PRAMEF12: variants seen among roughly 807,000 people sequenced by gnomAD.
The protein encoded by PRAMEF12 is PRAME family member 12.
In PRAMEF12, 24 loss-of-function variants were observed where a neutral mutation model predicts 24.6. The observed-to-expected ratio is 0.98, with a 90% CI of 0.71 to 1.37. The LOEUF is 1.37. PRAMEF12 is among the 40% of genes most tolerant of loss of function. PRAMEF12 has a pLI of 0.00. For missense variants in PRAMEF12, 646 were observed against 580.3 expected (o/e 1.11, Z -1.16); for synonymous variants, 286 against 242.6 (o/e 1.18, Z -1.66).
At position 12,775,031 on chromosome 1, in the gene PRAMEF12, T is replaced by C. The variant is rs769702820; in HGVS notation, c.164T>C (p.Met55Thr). ...AGATGCTGCGAGACCCTGACAACTA[T>C]GGTGCAGGCCTGGCCCTTCACCTGC... ...TRRCCETLTT[M>T]VQAWPFTCLP... Residue 55 changes from methionine to threonine, a missense_variant, in exon 1 of 3, where the codon ATG becomes ACG. Transcript: ENST00000357726. The C allele has an allele frequency of 4.3e-6, 7 of 1,614,020 alleles. No homozygotes were observed. The highest frequency in any genetic ancestry group is 1.6e-4 in the Middle Eastern group (1 of 6,084).
Position 12,777,242 on chromosome 1 carries a change from C to A in PRAMEF12, c.1095C>A (p.Leu365=), listed in dbSNP as rs143925534. The A allele has an allele frequency of 6.2e-7, 1 of 1,612,536 alleles. No individual in the cohort carries two copies. Among genetic ancestry groups the A allele is most frequent in the African/African-American group, 1.3e-5 (1 of 74,978 alleles). Residue 365 remains leucine (L), a synonymous_variant, in exon 3 of 3, where the codon CTC becomes CTA. Transcript: ENST00000357726. ...LEDCGIVDSQ[L]SAILPALSRC... is the part of the protein sequence containing the mutation. ...ACTGTGGGATCGTGGATTCCCAACT[C>A]AGCGCCATCCTGCCTGCCCTGAGCC...
At chr1:12,775,462 G>A (rs41303869) in intron 1 of PRAMEF12, 81 bp from the exon 2 acceptor site, 19,070 of 1,299,720 alleles carry the variant, frequency 0.015, 198 homozygotes, top group Middle Eastern at 0.022. Context: ...GCAGCAGGGA[G>A]GAGAGTCGCT....
rs761231495 is a variant in PRAMEF12 at position 12,775,671 on chromosome 1, C to A, written c.416C>A (p.Pro139Gln). 2 of 1,613,872 alleles carry A rather than the reference C, an allele frequency of 1.2e-6. No homozygotes were observed. The highest frequency in any genetic ancestry group is 2.2e-5 in the East Asian group (1 of 44,838). ...KRRTAGNCPR[P>Q]GGQQPLMVIL... ...CGAACAGCAGGGAACTGTCCAAGGC[C>A]GGGTGGGCAGCAGCCCTTGATGGTG... Residue 139 changes from proline to glutamine, a missense_variant, in exon 2 of 3, where the codon CCG (proline) becomes CAG (glutamine). Transcript: ENST00000357726.
Position 12,777,761 on chromosome 1 carries a change from GC to G in PRAMEF12, c.*163del. The G allele has an allele frequency of 1.4e-6, 1 of 737,178 alleles. No individual in the cohort carries two copies. Among genetic ancestry groups the G allele is most frequent in the South Asian group, 1.9e-5 (1 of 52,708 alleles). The allele number at this position is 737,178 out of a possible 1,614,324, so 45.7% of individuals were successfully genotyped here. On this transcript the variant is annotated 3_prime_UTR_variant, in exon 3 of 3. Coordinates refer to ENST00000357726, the MANE Select transcript of PRAMEF12 (RefSeq NM_001080830.5). ...AAAAGTTGAGTTGGAGTCAATAGGA[GC>G]TTTAGAGACCTGTGTCCCAGAGAAT...
In PRAMEF12 at chr1:12,776,008, G is replaced by A. The variant is rs1212961508; in HGVS notation, c.753G>A (p.Lys251=). 1 of 1,614,162 alleles carries A rather than the reference G, an allele frequency of 6.2e-7. No homozygotes were observed. The highest frequency in any genetic ancestry group is 8.5e-7 in the Non-Finnish European group (1 of 1,180,010). ...CTGCCTGCATTCCCCTAGACAGGAA[G>A]GAGCAGTTTGTCATCCAGTTCACCT... ...HVSACIPLDR[K]EQFVIQFTSQ... is the part of the protein sequence containing the mutation. Residue 251 remains lysine, a synonymous_variant, in exon 2 of 3, where the codon AAG becomes AAA. Transcript: ENST00000357726.
Position 12,775,479 on chromosome 1 carries a change from C to A in PRAMEF12, c.288-64C>A. On this transcript the variant is annotated intron_variant, in intron 1 of 2. Coordinates refer to ENST00000357726, the MANE Select transcript of PRAMEF12 (RefSeq NM_001080830.5). ...AGCAGGGAGGAGAGTCGCTGATGTC[C>A]GGGATGTGGATAAAAGCTCAAATCC... is the stretch of plus-strand genomic sequence containing the variant. 2.1e-6 allele frequency: 3 copies of A among 1,440,550 alleles called. 1 individual carries two copies. In the South Asian group the frequency reaches 3.9e-5, roughly 19 times the overall value. 89.2% of individuals were successfully genotyped at this position (1,440,550 alleles called of 1,614,324 possible).
Position 12,774,913 on chromosome 1 carries a change from A to G in PRAMEF12, c.46A>G (p.Ser16Gly), listed in dbSNP as rs769068220. ...TAGACTCCTGGAGCTGGCTGAGCAG[A>G]GTCTGCTGAGAGACCGGGCCTTGGC... ...PPRLLELAEQ[S>G]LLRDRALAIP... Residue 16 changes from serine (S) to glycine (G), a missense_variant, in exon 1 of 3, where the codon AGT becomes GGT. By Grantham distance (56) the Ser-to-Gly change is moderately conservative (BLOSUM62 0). Transcript: ENST00000357726. The G allele has an allele frequency of 6.2e-7, 1 of 1,613,750 alleles. No individual in the cohort carries two copies. The highest frequency in any genetic ancestry group is 1.7e-5 in the Admixed American group (1 of 59,982).
Position 12,777,413 on chromosome 1 carries a change from T to G in PRAMEF12, c.1266T>G (p.Gly422=). 6.2e-7 allele frequency: 1 copy of G among 1,613,888 alleles called. No individual in the cohort carries two copies. The highest frequency in any genetic ancestry group is 8.5e-7 in the Non-Finnish European group (1 of 1,179,886). Residue 422 remains glycine, a synonymous_variant, in exon 3 of 3, where the codon GGT becomes GGG. Coordinates refer to ENST00000357726, the MANE Select transcript of PRAMEF12 (RefSeq NM_001080830.5). Reference sequence around the variant, plus strand: ...CTCTGGAGAGTTATGATGCCCAGGGTGCTCTCTGCTGGGGAAGATTTTCTC... The same window carrying G: ...CTCTGGAGAGTTATGATGCCCAGGGGGCTCTCTGCTGGGGAAGATTTTCTC... The part of the protein sequence containing the change: ...PAPLESYDAQ[G]ALCWGRFSQL...
rs758877294 is a variant in PRAMEF12, at chr1:12,775,083, A to C, written c.216A>C (p.Ser72=). 6.2e-7 allele frequency: 1 copy of C among 1,614,182 alleles called. No homozygotes were observed. The highest frequency in any genetic ancestry group is 1.1e-5 in the South Asian group (1 of 91,092). Residue 72 remains serine, a synonymous_variant, in exon 1 of 3, where the codon TCA becomes TCC. Coordinates refer to ENST00000357726, the MANE Select transcript of PRAMEF12 (RefSeq NM_001080830.5). ...TCLPLGSLMK[S]CNLEIFRAVL... ...TTCCTCTAGGGTCCCTGATGAAGTC[A>C]TGTAATCTAGAGATCTTTCGAGCTG...
In PRAMEF12 at chr1:12,777,022, C is replaced by A; in HGVS notation, c.875C>A (p.Ala292Asp). ...HLDQLLRCLQ[A>D]PLETVVMTEC... ...TTGTTCTCTCCCAGGTGTCTCCAGGCCCCCTTGGAGACAGTCGTAATGACC... is the reference window on the plus strand; with the variant it reads ...TTGTTCTCTCCCAGGTGTCTCCAGGACCCCTTGGAGACAGTCGTAATGACC... The change falls in exon 3 of 3, where the codon GCC becomes GAC. Residue 292 changes from alanine (A) to aspartate (D), a missense_variant. Ala to Asp is a moderately radical substitution (Grantham distance 126). Coordinates refer to ENST00000357726, the MANE Select transcript of PRAMEF12 (RefSeq NM_001080830.5). The A allele has an allele frequency of 3.7e-6, 6 of 1,612,122 alleles. No individual in the cohort carries two copies. The highest frequency in any genetic ancestry group is 4.2e-6 in the Non-Finnish European group (5 of 1,178,934).
Position 12,775,528 on chromosome 1 carries a change from C to T in PRAMEF12, c.288-15C>T, listed in dbSNP as rs942949450. ...CCTTCCTAAATTTGGAGCCTCTCTT[C>T]TCTTTTACCCACAGGCGGTGGAAAC... On this transcript the variant is annotated splice_polypyrimidine_tract_variant and intron_variant, in intron 1 of 2. Coordinates refer to ENST00000357726, the MANE Select transcript of PRAMEF12 (RefSeq NM_001080830.5). 1 of 1,590,684 alleles carries T rather than the reference C, an allele frequency of 6.3e-7. No individual in the cohort carries two copies.
chr1:12,777,142 C>A lies in PRAMEF12; in HGVS notation c.995C>A (p.Thr332Asn). The A allele has an allele frequency of 1.2e-6, 2 of 1,613,958 alleles. No individual in the cohort carries two copies. Among genetic ancestry groups the A allele is most frequent in the Non-Finnish European group, 1.7e-6 (2 of 1,180,010 alleles). The change falls in exon 3 of 3, where the codon ACC becomes AAC. Residue 332 changes from threonine to asparagine, a missense_variant. By Grantham distance (65) the Thr-to-Asn change is moderately conservative. Transcript: ENST00000357726. ...KELDLRGITL[T>N]HFSPEPLSVL... ...CTAGACCTGAGGGGCATCACACTGA[C>A]CCATTTCAGTCCTGAGCCCCTCTCA...
rs1639047233 is a variant in PRAMEF12 at position 12,776,041 on chromosome 1, C to T, written c.786C>T (p.Phe262=). 3.1e-6 allele frequency: 5 copies of T among 1,614,212 alleles called. No homozygotes were observed. The highest frequency in any genetic ancestry group is 4.2e-6 in the Non-Finnish European group (5 of 1,180,046). ...EQFVIQFTSQ[F]LKLDYFQKLY... Reference sequence around the variant, plus strand: ...TTGTCATCCAGTTCACCTCTCAGTTCCTCAAGCTGGACTACTTCCAGAAGC... The same window carrying T: ...TTGTCATCCAGTTCACCTCTCAGTTTCTCAAGCTGGACTACTTCCAGAAGC... The change falls in exon 2 of 3, where the codon TTC becomes TTT. Residue 262 remains phenylalanine, a synonymous_variant. Transcript: ENST00000357726.
chr1:12,776,863 G>T, intron 2 of PRAMEF12, 148 bp from the exon 3 acceptor site: 1 of 839,272 alleles, frequency 1.2e-6, no homozygotes, highest in South Asian at 1.7e-5. Context: ...GATTGGGTCT[G>T]CCCTGAATGA....
At chr1:12,776,264 G>A in intron 2 of PRAMEF12, 146 bp downstream of exon 2, 1 of 864,952 alleles carries the variant, frequency 1.2e-6, no homozygotes. Context: ...TGTCCTGTTG[G>A]CAGCTCTGTC....
chr1:12,773,879 T>C lies in PRAMEF12; in HGVS notation c.-989T>C, dbSNP rs543251904. ...CTGCAGCCAGCCAGCCAGTCAGGGA[T>C]GGTGACATGCAGCCCAAGGTGGCAG... On this transcript the variant is annotated 5_prime_UTR_variant, in exon 1 of 3. It removes an upstream start codon present in the reference 5' UTR. Coordinates refer to ENST00000357726, the MANE Select transcript of PRAMEF12 (RefSeq NM_001080830.5). Among the ~76,000 whole-genome samples the C allele has an allele frequency of 1.1e-4, 16 of 152,324 alleles. No individual in the cohort carries two copies. The highest frequency in any genetic ancestry group is 1.0e-3 in the South Asian group (5 of 4,820).
Position 12,776,027 on chromosome 1 carries a change from T to G in PRAMEF12, c.772T>G (p.Phe258Val), listed in dbSNP as rs887983119. The stretch of plus-strand genomic sequence containing the variant: ...CAGGAAGGAGCAGTTTGTCATCCAG[T>G]TCACCTCTCAGTTCCTCAAGCTGGA... ...LDRKEQFVIQ[F>V]TSQFLKLDYF... The change falls in exon 2 of 3, where the codon TTC (phenylalanine) becomes GTC (valine). Residue 258 changes from phenylalanine (F) to valine (V), a missense_variant. Phe to Val is a conservative substitution (Grantham distance 50, BLOSUM62 -1). Coordinates refer to ENST00000357726, the MANE Select transcript of PRAMEF12 (RefSeq NM_001080830.5). 6 of 1,614,066 alleles carry G rather than the reference T, an allele frequency of 3.7e-6. No individual in the cohort carries two copies. Among genetic ancestry groups the G allele is most frequent in the Non-Finnish European group, 4.2e-6 (5 of 1,180,030 alleles).
Position 12,777,087 on chromosome 1 carries a change from T to G in PRAMEF12, c.940T>G (p.Trp314Gly). 6.2e-7 allele frequency: 1 copy of G among 1,614,064 alleles called. No homozygotes were observed. Among genetic ancestry groups the G allele is most frequent in the East Asian group, 2.2e-5 (1 of 44,864 alleles). The change falls in exon 3 of 3, where the codon TGG (tryptophan) becomes GGG (glycine). Residue 314 changes from tryptophan (W) to glycine (G), a missense_variant. Physicochemically the swap from Trp to Gly is radical, Grantham distance 184. Transcript: ENST00000357726. ...AGAGTCGGACCTGAAGCATCTCTCT[T>G]GGTGCCCGAGCATCCGTCAGCTAAA... ...LSESDLKHLS[W>G]CPSIRQLKEL...
In PRAMEF12 at chr1:12,774,709, A is replaced by C; in HGVS notation, c.-159A>C. The C allele has an allele frequency of 3.0e-6, 2 of 667,950 alleles. No individual in the cohort carries two copies. The highest frequency in any genetic ancestry group is 2.5e-6 in the Non-Finnish European group (1 of 401,010). The allele number at this position is 667,950 out of a possible 1,614,324, so 41.4% of individuals were successfully genotyped here. ...GAAGACATTCTTTATGGTACCAGCA[A>C]GGGCAGAATTACAGATTTGTGTCCA... On this transcript the variant is annotated 5_prime_UTR_variant, in exon 1 of 3. Coordinates refer to ENST00000357726, the MANE Select transcript of PRAMEF12 (RefSeq NM_001080830.5).
Sources: gnomAD v4.1 joint callset for allele counts (sites outside exome capture counted in the v4.1 genomes callset) on GRCh38, gnomAD v4.1.1 for gene constraint, MANE v1.5 for transcripts, NCBI Gene and HGNC (gene_info 2026-07-23, HGNC 2026-07-21) for gene names.